The following ADARB1 variants were observed in gnomAD, a reference collection of about 807,000 sequenced individuals.
ADARB1 encodes the protein double-stranded RNA-specific editase 1.
ADARB1 carries 10 observed loss-of-function variants against 52.4 expected under a neutral mutation model. The observed-to-expected ratio is 0.19, with a 90% CI of 0.12 to 0.32. The LOEUF (loss-of-function observed/expected upper bound fraction) is 0.32, where lower values mean the gene tolerates loss of function less well. Ranked by LOEUF, ADARB1 falls within the 10% of genes least tolerant of loss-of-function variation. The pLI is 1.00. For missense variants in ADARB1, 643 were observed against 922.3 expected, an observed-to-expected ratio of 0.70 and a Z score of 3.92; for synonymous variants, 349 against 371.1, an observed-to-expected ratio of 0.94 and a Z score of 0.68.
Position 45,182,641 on chromosome 21 carries a change from A to T in ADARB1, c.1135A>T (p.Asn379Tyr). ...ISVSTGTKCI[N>Y]GEYMSDRGLA... is the part of the protein sequence containing the mutation. ...TGTTTCTACAGGAACAAAATGTATT[A>T]ATGGTGAATACATGAGTGATCGTGG... Residue 379 changes from asparagine (N) to tyrosine (Y), a missense_variant, in exon 6 of 11, where the codon AAT (asparagine) becomes TAT (tyrosine). Asn to Tyr is a moderately radical substitution (Grantham distance 143, BLOSUM62 -2). Transcript: ENST00000348831. 6.2e-7 allele frequency: 1 copy of T among 1,610,184 alleles called. No homozygotes were observed. The highest frequency in any genetic ancestry group is 8.5e-7 in the Non-Finnish European group (1 of 1,178,802).
chr21:45,217,632 A>G (rs1340184563), intron 9 of ADARB1, among the ~76,000 whole-genome samples: 4 of 152,136 alleles, frequency 2.6e-5, no homozygotes, highest in African/African-American at 9.7e-5. Context: ...ATATTTATCC[A>G]TGTAGCTATC....
intron 1 of ADARB1, among the ~76,000 whole-genome samples, chr21:45,117,387 G>C (rs1387096892): frequency 6.6e-6 from 1 of 152,190 alleles, no homozygotes; most frequent in Non-Finnish European, 1.5e-5. Flanking sequence ...GTTTGTGTCA[G>C]CACTGGATTC....
chr21:45,182,720 G>T lies in ADARB1; in HGVS notation c.1214G>T (p.Arg405Ile). ...ATAATATCTCGGAGATCCTTGCTCA[G>T]ATTTCTTTATACACAACTTGAGCTT... ...AEIISRRSLL[R>I]FLYTQLELYL... Residue 405 changes from arginine (R) to isoleucine (I), a missense_variant, in exon 6 of 11, where the codon AGA (arginine) becomes ATA (isoleucine). Arg to Ile is a moderately conservative substitution (Grantham distance 97, BLOSUM62 -3). Around this residue, in one of 2 missense-constraint regions of ADARB1, gnomAD observed 263 missense variants for 475.8 expected, o/e 0.55. Transcript: ENST00000348831. The T allele has an allele frequency of 3.1e-6, 5 of 1,606,734 alleles. No homozygotes were observed. Among genetic ancestry groups the T allele is most frequent in the East Asian group, 2.2e-5 (1 of 44,786 alleles).
intron 4 of ADARB1, among the ~76,000 whole-genome samples, chr21:45,178,959 C>G (rs2091817268): frequency 1.3e-5 from 2 of 152,160 alleles, no homozygotes; most frequent in South Asian, 4.1e-4. Flanking sequence ...TTCTTCGCCT[C>G]TCTTTGAAAG....
chr21:45,152,638 C>T, intron 2 of ADARB1: 1 of 451,122 alleles, frequency 2.2e-6, no homozygotes, highest in South Asian at 1.6e-5. Flanking sequence ...GGCCTTTGCA[C>T]ATGGGGACCT....
At chr21:45,188,138 G>T (rs539341969) in intron 8 of ADARB1, among the ~76,000 whole-genome samples, 2 of 151,774 alleles carry the variant, frequency 1.3e-5, no homozygotes, top group African/African-American at 4.8e-5. Context: ...ATGGAGTCTC[G>T]CTCTGTCACC....
At position 45,222,542 on chromosome 21, in the gene ADARB1, A is replaced by G. The variant is rs2092985276; in HGVS notation, c.*345A>G. On this transcript the variant is annotated 3_prime_UTR_variant, in exon 11 of 11. Transcript: ENST00000348831. The stretch of plus-strand genomic sequence containing the variant: ...CTTCCTTAAGTTTAGGAAAATAGAA[A>G]TTACTTTGTGTGAAATTCTTGAATA... 1 of 1,079,782 alleles carries G rather than the reference A, an allele frequency of 9.3e-7. No individual in the cohort carries two copies. Among genetic ancestry groups the G allele is most frequent in the African/African-American group, 1.6e-5 (1 of 60,680 alleles). 66.9% of individuals were successfully genotyped at this position (1,079,782 alleles called of 1,614,324 possible). A position where few individuals can be genotyped will look rare whatever the true frequency, so the allele number is the denominator to read the frequency against.
At chr21:45,164,305 A>G (rs2091142596) in intron 2 of ADARB1, among the ~76,000 whole-genome samples, 2 of 152,108 alleles carry the variant, frequency 1.3e-5, no homozygotes, top group Admixed American at 6.5e-5. Flanking sequence ...AGGCCACGAA[A>G]GCCCCAAGTT....
intron 1 of ADARB1, chr21:45,101,109 G>C (rs2086989674): frequency 6.6e-6 from 1 of 152,336 alleles, no homozygotes; most frequent in Non-Finnish European, 1.5e-5. Context: ...GGGAGTGTCT[G>C]TTCCGCGGTT....
intron 1 of ADARB1, among the ~76,000 whole-genome samples, chr21:45,082,283 T>G (rs1355297664): frequency 6.6e-6 from 1 of 152,238 alleles, no homozygotes; most frequent in African/African-American, 2.4e-5. Flanking sequence ...GTTCATAACT[T>G]AAATATATTG....
At chr21:45,164,265 G>A (rs1004387430) in intron 2 of ADARB1, among the ~76,000 whole-genome samples, 3 of 152,160 alleles carry the variant, frequency 2.0e-5, no homozygotes, top group Admixed American at 2.0e-4. Flanking sequence ...GGGGAGGACA[G>A]CTGTTGAATG....
chr21:45,088,416 TG>T (rs1668092744), intron 1 of ADARB1, among the ~76,000 whole-genome samples: 1 of 152,202 alleles, frequency 6.6e-6, no homozygotes, highest in African/African-American at 2.4e-5. Flanking sequence ...AGCAAGGAAA[TG>T]AGTAATGATA....
intron 8 of ADARB1, among the ~76,000 whole-genome samples, chr21:45,191,880 A>ATATATATATATATATATT (rs1601874792): frequency 6.4e-5 from 1 of 15,746 alleles, no homozygotes; most frequent in African/African-American, 1.7e-4. Context: ...ATATATATAT[A>ATATATATATATATATATT]TTTTTTTTTT....
intron 2 of ADARB1, among the ~76,000 whole-genome samples, chr21:45,150,247 C>G (rs1274603564): frequency 6.6e-6 from 1 of 152,186 alleles, no homozygotes; most frequent in Non-Finnish European, 1.5e-5. Flanking sequence ...GCATTCCAGC[C>G]TGGGCAACAG....
rs1601980618 is a variant in ADARB1, at chr21:45,208,145, T to C, written c.1747+3409T>C. Among the ~76,000 whole-genome samples the C allele has an allele frequency of 6.6e-6, 1 of 152,206 alleles. No homozygotes were observed. Among genetic ancestry groups the C allele is most frequent in the East Asian group, 1.9e-4 (1 of 5,192 alleles). ...CAGGACAATTCCAGCTTCTTATTTA[T>C]GTCCATTGATCTCCTGAGTGTGAGC... On this transcript the variant is annotated intron_variant, in intron 9 of 10. Transcript: ENST00000348831. This position sits in a 1 kb window ranked among gnomAD's most constrained non-coding sequence, Gnocchi z 5.6.
At chr21:45,120,633 C>T (rs1288995936) in intron 1 of ADARB1, among the ~76,000 whole-genome samples, 6 of 152,326 alleles carry the variant, frequency 3.9e-5, no homozygotes, top group South Asian at 4.1e-4. Flanking sequence ...CCCCTGCCAC[C>T]GCATTGCTCT....
At chr21:45,098,493 T>C (rs367228) in intron 1 of ADARB1, among the ~76,000 whole-genome samples, 136,727 of 152,198 alleles carry the variant, frequency 0.9, 61,468 homozygotes, top group South Asian at 0.93. Context: ...CATCCCGTCC[T>C]GACCTGCCTG....
At chr21:45,120,247 A>G (rs1017021251) in intron 1 of ADARB1, among the ~76,000 whole-genome samples, 1 of 152,178 alleles carries the variant, frequency 6.6e-6, no homozygotes, top group Non-Finnish European at 1.5e-5. Context: ...TTTGGCCTCT[A>G]CCGCACGGAC....
At chr21:45,160,816 T>C (rs2090924974) in intron 2 of ADARB1, among the ~76,000 whole-genome samples, 1 of 152,242 alleles carries the variant, frequency 6.6e-6, no homozygotes. Flanking sequence ...CTCTGTGTTA[T>C]TATCCTATTT....
Sources: allele counts gnomAD v4.1 joint callset (sites outside exome capture counted in the v4.1 genomes callset), GRCh38; gene constraint gnomAD v4.1.1; regional missense constraint gnomAD v4.1.1; non-coding constraint Gnocchi (gnomAD v3.1); transcripts MANE v1.5; gene names NCBI Gene and HGNC (gene_info 2026-07-23, HGNC 2026-07-21).